The following ZFYVE9 variants were observed in gnomAD, a reference collection of about 807,000 sequenced individuals.
The protein encoded by ZFYVE9 is zinc finger FYVE-type containing 9.
Under a neutral mutation model 126.7 loss-of-function variants are expected in ZFYVE9, and 43 were observed. The ratio of observed to expected loss-of-function variants is 0.34; its 90% CI spans 0.27 to 0.44. The LOEUF (loss-of-function observed/expected upper bound fraction) is 0.44, where lower values mean the gene tolerates loss of function less well. Ranked by LOEUF, ZFYVE9 falls within the 20% of genes least tolerant of loss-of-function variation. The probability of loss-of-function intolerance (pLI) is 1.00; values close to 1 mark genes in which losing one functional copy is unlikely to be tolerated. For synonymous variants in ZFYVE9, 521 were observed against 597.4 expected (o/e 0.87, Z 1.87); for missense variants, 1,476 against 1,697.0 (o/e 0.87, Z 2.29).
At chr1:52,235,598 C>T (rs531339134) in intron 3 of ZFYVE9, among the ~76,000 whole-genome samples, 201 of 152,230 alleles carry the variant, frequency 1.3e-3, no homozygotes, top group African/African-American at 4.4e-3. Flanking sequence ...TTCACACAAT[C>T]TGAGTTTTGT....
chr1:52,322,435 T>A (rs1346406163), intron 13 of ZFYVE9, among the ~76,000 whole-genome samples: 5 of 147,676 alleles, frequency 3.4e-5, no homozygotes, highest in African/African-American at 1.3e-4. Context: ...TGGAGTGCAA[T>A]GGCGCGATCT....
Position 52,283,782 on chromosome 1 carries a change from A to T in ZFYVE9, c.3025+1966A>T, listed in dbSNP as rs113188599. 6.5e-3 allele frequency among the ~76,000 whole-genome samples: 996 copies of T among 152,286 alleles called. 5 individuals are homozygous for T. Among genetic ancestry groups the T allele is most frequent in the Non-Finnish European group, 1.0e-2 (679 of 68,026 alleles). On this transcript the variant is annotated intron_variant, in intron 10 of 18. Transcript: ENST00000287727. ...ATGAGAGGTCTATATCTGGATTAGGATAGTGGTTATGTGGGTGTTTGCCAA... is the reference window on the plus strand; with the variant it reads ...ATGAGAGGTCTATATCTGGATTAGGTTAGTGGTTATGTGGGTGTTTGCCAA...
intron 1 of ZFYVE9, chr1:52,162,206 T>G (rs1444419821): frequency 1.3e-5 from 3 of 236,802 alleles, no homozygotes; most frequent in East Asian, 1.0e-4. Context: ...GCTGCAGGAA[T>G]GAGATCTTGA....
intron 2 of ZFYVE9, among the ~76,000 whole-genome samples, chr1:52,217,460 C>T (rs1228308457): frequency 6.6e-6 from 1 of 152,220 alleles, no homozygotes; most frequent in African/African-American, 2.4e-5. Flanking sequence ...ATTTCTTTAA[C>T]AGGATCTGGC....
intron 13 of ZFYVE9, among the ~76,000 whole-genome samples, chr1:52,316,143 C>T (rs1401285102): frequency 1.3e-5 from 1 of 77,960 alleles, no homozygotes; most frequent in Non-Finnish European, 2.3e-5. Context: ...TCAGCCTGGG[C>T]AACAAGAGTG....
At chr1:52,264,570 T>A (rs1569623385) in intron 5 of ZFYVE9, among the ~76,000 whole-genome samples, 1 of 152,218 alleles carries the variant, frequency 6.6e-6, no homozygotes, top group South Asian at 2.1e-4. Flanking sequence ...ACACTAAAAT[T>A]GTTCAGGTTA....
rs1265802883 is a variant in ZFYVE9, at chr1:52,247,582, T to C, written c.2178+7987T>C. ...CGCAATCTCGGCTCACTGCAACCTC[T>C]GCCTCCTGGGTTCAAGTGATTCTCC... On this transcript the variant is annotated intron_variant, in intron 4 of 18. Coordinates refer to ENST00000287727, the MANE Select transcript of ZFYVE9 (RefSeq NM_004799.4). 2.0e-5 allele frequency among the ~76,000 whole-genome samples: 3 copies of C among 152,040 alleles called. No individual in the cohort carries two copies. The East Asian group carries it at 5.8e-4, about 29-fold the overall frequency.
rs1329262004 is a variant in ZFYVE9 at position 52,198,110 on chromosome 1, G to GTTTT, written c.-142-18253_-142-18250dup. Among the ~76,000 whole-genome samples, 359 of 39,964 alleles carry GTTTT rather than the reference G, an allele frequency of 9.0e-3. 11 individuals carry two copies. The highest frequency in any genetic ancestry group is 0.018 in the African/African-American group (309 of 17,332). The allele number at this position is 39,964 out of a possible 152,430, so 26.2% of individuals were successfully genotyped here. ...GGTTGTCATTAAATAATATTGTAGT[G>GTTTT]TTTTTTTTTGTTTGTTTTTTTTTTT... On this transcript the variant is annotated intron_variant, in intron 1 of 18. Transcript: ENST00000287727.
chr1:52,153,533 G>T (rs1455779379), intron 1 of ZFYVE9, among the ~76,000 whole-genome samples: 1 of 152,160 alleles, frequency 6.6e-6, no homozygotes, highest in Non-Finnish European at 1.5e-5. Flanking sequence ...AGTATTAAGT[G>T]GTATCCTAGG....
At chr1:52,331,903 T>G (rs978203730) in intron 13 of ZFYVE9, among the ~76,000 whole-genome samples, 1 of 151,026 alleles carries the variant, frequency 6.6e-6, no homozygotes, top group Non-Finnish European at 1.5e-5. Flanking sequence ...CTCAGCCTCC[T>G]GAGTAGCTGG....
In ZFYVE9 at chr1:52,344,833, G is replaced by A. The variant is rs1407133390; in HGVS notation, c.4005G>A (p.Leu1335=). 6.2e-7 allele frequency: 1 copy of A among 1,614,170 alleles called. No individual in the cohort carries two copies. Among genetic ancestry groups the A allele is most frequent in the Non-Finnish European group, 8.5e-7 (1 of 1,180,028 alleles). The change falls in exon 18 of 19, where the codon TTG becomes TTA. Residue 1335 remains leucine (L), a synonymous_variant. Transcript: ENST00000287727. ...GTGATCCTGCAGATCACAGTAGATT[G>A]ACTGAGCATGTTGCCAAAGCTTTTT... The part of the protein sequence containing the change: ...CLSDPADHSR[L]TEHVAKAFCL...
At chr1:52,153,496 C>T (rs1349850366) in intron 1 of ZFYVE9, among the ~76,000 whole-genome samples, 2 of 152,178 alleles carry the variant, frequency 1.3e-5, no homozygotes, top group Non-Finnish European at 2.9e-5. Context: ...GTTGCATTTG[C>T]CCATTCATAG....
chr1:52,189,882 ATGTTCT>A (rs968641393), intron 1 of ZFYVE9: 1 of 151,774 alleles, frequency 6.6e-6, no homozygotes, highest in Non-Finnish European at 1.5e-5. Flanking sequence ...TTGTTGAAAA[ATGTTCT>A]TTCCTTATGG....
rs1296856282 is a variant in ZFYVE9 at position 52,337,809 on chromosome 1, T to C, written c.3708T>C (p.Asp1236=). The C allele has an allele frequency of 6.2e-7, 1 of 1,614,110 alleles. No homozygotes were observed. Among genetic ancestry groups the C allele is most frequent in the Non-Finnish European group, 8.5e-7 (1 of 1,180,042 alleles). The change falls in exon 16 of 19, where the codon GAT becomes GAC. Residue 1236 remains aspartate (D), a synonymous_variant. Transcript: ENST00000287727. ...TCCAGATTACTGCAGAGAACATGGA[T>C]TCCTTGAGGCAGGCACTGCGAGAGA... ...VMVQITAENM[D]SLRQALREMK...
rs1309581768 is a variant in ZFYVE9, at chr1:52,239,601, T to C, written c.2178+6T>C. ...ACTGCAGAGCATGTGGGAAGGTAAG[T>C]TGCATGTATACACTCAGAAATCGGG... is the stretch of plus-strand genomic sequence containing the variant. On this transcript the variant is annotated splice_donor_region_variant and intron_variant, in intron 4 of 18. Transcript: ENST00000287727. 1 of 1,607,140 alleles carries C rather than the reference T, an allele frequency of 6.2e-7. No homozygotes were observed. The highest frequency in any genetic ancestry group is 8.5e-7 in the Non-Finnish European group (1 of 1,175,276).
intron 2 of ZFYVE9, among the ~76,000 whole-genome samples, chr1:52,218,252 A>C (rs555692958): frequency 6.6e-6 from 1 of 152,100 alleles, no homozygotes; most frequent in African/African-American, 2.4e-5. Context: ...CAGTGTACCA[A>C]ATATTGGTCC....
At chr1:52,275,773 C>T (rs1258741971) in intron 8 of ZFYVE9, among the ~76,000 whole-genome samples, 3 of 152,062 alleles carry the variant, frequency 2.0e-5, no homozygotes, top group Admixed American at 2.0e-4. Context: ...GTCTTTCTTT[C>T]CTTCATTTTG....
At chr1:52,218,374 A>T (rs1414952597) in intron 2 of ZFYVE9, among the ~76,000 whole-genome samples, 1 of 152,144 alleles carries the variant, frequency 6.6e-6, no homozygotes, top group Non-Finnish European at 1.5e-5. Context: ...GGAATGTCAA[A>T]TTTTCCCCTT....
chr1:52,283,867 G>A (rs1645828312), intron 10 of ZFYVE9, among the ~76,000 whole-genome samples: 1 of 152,052 alleles, frequency 6.6e-6, no homozygotes, highest in African/African-American at 2.4e-5. Flanking sequence ...TTATACCTCA[G>A]TAAAATTTAT....
Sources: allele counts gnomAD v4.1 joint callset (sites outside exome capture counted in the v4.1 genomes callset), GRCh38; gene constraint gnomAD v4.1.1; transcripts MANE v1.5; gene names NCBI Gene and HGNC (gene_info 2026-07-23, HGNC 2026-07-21).